CXorf66: variants seen among roughly 807,000 people sequenced by gnomAD.
The protein encoded by CXorf66 is uncharacterized protein CXorf66.
In CXorf66, 6 loss-of-function variants were observed where a neutral mutation model predicts 5.0. The observed-to-expected ratio is 1.20, with a 90% CI of 0.65 to 2.36. The LOEUF is 2.36. Ranked by LOEUF, CXorf66 falls within the 30% of genes most tolerant of loss-of-function variation. CXorf66 has a pLI of 0.00. For synonymous variants in CXorf66, 98 were observed against 102.8 expected (o/e 0.95, Z 0.28); for missense variants, 270 against 254.9 (o/e 1.06, Z -0.40).
At chrX:139,965,131 T>G (rs1194287848) in intron 1 of CXorf66, among the ~76,000 whole-genome samples, 1 of 111,373 alleles carries the variant, frequency 9.0e-6, no homozygotes, top group Admixed American at 9.6e-5. Context: ...CCTTGCCAGA[T>G]TCATTTATAT....
rs749147583 is a variant in CXorf66, at chrX:139,956,613, C to T, written c.369G>A (p.Ser123=). The change falls in exon 3 of 3, where the codon TCG becomes TCA. Residue 123 remains serine (S), a synonymous_variant. Transcript: ENST00000370540. ...LSTADKSSDS[S]SPERASAQSS... ...ATTGTGCGGATGCCCTTTCTGGACT[C>T]GATGAATCAGATGACTTGTCTGCAG... 32 of 1,209,204 alleles carry T rather than the reference C, an allele frequency of 2.6e-5. No individual in the cohort carries two copies. In the East Asian group the frequency reaches 5.9e-4, roughly 22 times the overall value.
intron 1 of CXorf66, among the ~76,000 whole-genome samples, chrX:139,963,641 C>CTG (rs1569496477): frequency 4.3e-4 from 45 of 105,106 alleles, no homozygotes; most frequent in African/African-American, 7.9e-4. Flanking sequence ...CTGGAGGCAT[C>CTG]ACTCTACCTT....
intron 1 of CXorf66, among the ~76,000 whole-genome samples, chrX:139,961,137 A>G (rs1045605525): frequency 8.9e-6 from 1 of 111,942 alleles, no homozygotes; most frequent in African/African-American, 3.2e-5. Context: ...TAGACTGGCA[A>G]ATTGGATAAA....
At chrX:139,965,303 T>G (rs1926664970) in intron 1 of CXorf66, 106 bp downstream of exon 1, 1 of 561,589 alleles carries the variant, frequency 1.8e-6, no homozygotes, top group African/African-American at 2.3e-5. Flanking sequence ...TTAACACTGC[T>G]AAAAGTAACA....
intron 1 of CXorf66, among the ~76,000 whole-genome samples, chrX:139,964,214 C>T (rs937134854): frequency 1.8e-5 from 2 of 111,662 alleles, no homozygotes; most frequent in East Asian, 5.6e-4. Context: ...AACAAATTTA[C>T]AAGAAAAAAC....
chrX:139,965,413 A>G lies in CXorf66; in HGVS notation c.84T>C (p.Thr28=), dbSNP rs753968776. 2.5e-6 allele frequency: 3 copies of G among 1,192,276 alleles called. No individual in the cohort carries two copies. Among genetic ancestry groups the G allele is most frequent in the East Asian group, 3.0e-5 (1 of 33,737 alleles). ...GTTTTAAGGTTAGGCACCTACCTGT[A>G]GTAGAAGATCCATTGGTTTGGTTTG... ...MTTNQTNGSS[T]TGDKPVESMQ... is the part of the protein sequence containing the mutation. Residue 28 remains threonine (T), a synonymous_variant, in exon 1 of 3, where the codon ACT becomes ACC. Coordinates refer to ENST00000370540, the MANE Select transcript of CXorf66 (RefSeq NM_001013403.3).
intron 2 of CXorf66, 78 bp downstream of exon 2, chrX:139,957,986 C>T: frequency 1.0e-6 from 1 of 985,514 alleles, no homozygotes; most frequent in Non-Finnish European, 1.3e-6. Flanking sequence ...TATTGAGTAA[C>T]CTGAACAACA....
In CXorf66 at chrX:139,958,111, A is replaced by G. The variant is rs1351810413; in HGVS notation, c.195T>C (p.Cys65=). ...CGCTCAGACAATTATAATGGAGATA[A>G]CAAAAACAGATAAAGACAAAAACCA... is the stretch of plus-strand genomic sequence containing the variant. The part of the protein sequence containing the change: ...IIMVFVFICF[C]YLHYNCLSDD... The change falls in exon 2 of 3, where the codon TGT becomes TGC. Residue 65 remains cysteine (C), a synonymous_variant. Coordinates refer to ENST00000370540, the MANE Select transcript of CXorf66 (RefSeq NM_001013403.3). 8.3e-7 allele frequency: 1 copy of G among 1,206,692 alleles called. No individual in the cohort carries two copies. Among genetic ancestry groups the G allele is most frequent in the Admixed American group, 2.2e-5 (1 of 45,097 alleles).
chrX:139,959,172 C>T (rs1397226887), intron 1 of CXorf66, among the ~76,000 whole-genome samples: 1 of 112,022 alleles, frequency 8.9e-6, no homozygotes, highest in African/African-American at 3.2e-5. Flanking sequence ...ACTGGCTTGA[C>T]ATTCTCGATG....
intron 1 of CXorf66, among the ~76,000 whole-genome samples, chrX:139,961,482 G>C (rs2085593337): frequency 9.0e-6 from 1 of 111,603 alleles, no homozygotes; most frequent in African/African-American, 3.3e-5. Flanking sequence ...AATAATAGTG[G>C]GAAACTTTAA....
At chrX:139,964,662 C>A (rs1004952365) in intron 1 of CXorf66, among the ~76,000 whole-genome samples, 2 of 111,553 alleles carry the variant, frequency 1.8e-5, no homozygotes, top group Non-Finnish European at 3.8e-5. Context: ...GGAACCAACC[C>A]AAATGCCCAT....
intron 1 of CXorf66, among the ~76,000 whole-genome samples, chrX:139,961,901 C>A (rs1022681634): frequency 1.8e-5 from 2 of 111,897 alleles, no homozygotes; most frequent in African/African-American, 3.2e-5. Context: ...GTACCAGCAT[C>A]TCTGGGACAC....
chrX:139,955,746 T>C lies in CXorf66; in HGVS notation c.*150A>G, dbSNP rs1033463426. On this transcript the variant is annotated 3_prime_UTR_variant, in exon 3 of 3. Coordinates refer to ENST00000370540, the MANE Select transcript of CXorf66 (RefSeq NM_001013403.3). ...ATAGTAATTTATGTCATGCATTTTA[T>C]TGATATTTTTAAAATAAATCGCCTC... 3 of 435,693 alleles carry C rather than the reference T, an allele frequency of 6.9e-6. No individual in the cohort carries two copies. Among genetic ancestry groups the C allele is most frequent in the East Asian group, 3.9e-5 (1 of 25,865 alleles). The allele number at this position is 435,693 out of a possible 1,213,427, so 35.9% of individuals were successfully genotyped here.
chrX:139,958,579 C>G, intron 1 of CXorf66, among the ~76,000 whole-genome samples: 1 of 111,682 alleles, frequency 9.0e-6, no homozygotes, highest in Admixed American at 9.5e-5. Flanking sequence ...AAAAACAAAC[C>G]TCTGTTAAAA....
rs1926666918 is a variant in CXorf66, at chrX:139,965,407, A to C, written c.88+2T>G. 1.7e-6 allele frequency: 2 copies of C among 1,186,268 alleles called. No homozygotes were observed. The highest frequency in any genetic ancestry group is 3.6e-5 in the South Asian group (2 of 56,263). ...TTACAAGTTTTAAGGTTAGGCACCT[A>C]CCTGTAGTAGAAGATCCATTGGTTT... On this transcript the variant is annotated splice_donor_variant, in intron 1 of 2. Transcript: ENST00000370540. LOFTEE classifies it high-confidence loss of function.
At chrX:139,957,940 C>T (rs1381823889) in intron 2 of CXorf66, 124 bp downstream of exon 2, 6 of 620,877 alleles carry the variant, frequency 9.7e-6, no homozygotes, top group African/African-American at 2.3e-5. Flanking sequence ...TATTCACCTA[C>T]AAAAGGTTGG....
Position 139,957,030 on chromosome X carries a change from G to A in CXorf66, c.243-291C>T, listed in dbSNP as rs147788858. ...AAAATACAAAAATTAGCCTGGTGTG[G>A]TGGCGCACACCTGTAGTCCCCAGCT... is the stretch of plus-strand genomic sequence containing the variant. On this transcript the variant is annotated intron_variant, in intron 2 of 2. Coordinates refer to ENST00000370540, the MANE Select transcript of CXorf66 (RefSeq NM_001013403.3). Among the ~76,000 whole-genome samples, 941 of 110,863 alleles carry A rather than the reference G, an allele frequency of 8.5e-3. 4 individuals are homozygous for A. Among genetic ancestry groups the A allele is most frequent in the Middle Eastern group, 0.028 (6 of 217 alleles).
chrX:139,959,329 C>T (rs557270017), intron 1 of CXorf66, among the ~76,000 whole-genome samples: 171 of 111,770 alleles, frequency 1.5e-3, no homozygotes, highest in Middle Eastern at 0.014. Context: ...CTCACCACAG[C>T]GCTGCAAAGC....
At chrX:139,960,955 A>G (rs2085591292) in intron 1 of CXorf66, among the ~76,000 whole-genome samples, 1 of 111,852 alleles carries the variant, frequency 8.9e-6, no homozygotes, top group African/African-American at 3.2e-5. Flanking sequence ...AGCAAAAACC[A>G]GTACCAGCCA....
Sources: gnomAD v4.1 joint callset for allele counts (sites outside exome capture counted in the v4.1 genomes callset) on GRCh38, gnomAD v4.1.1 for gene constraint, MANE v1.5 for transcripts, NCBI Gene and HGNC (gene_info 2026-07-23, HGNC 2026-07-21) for gene names.